The following HEMK2 variants were observed in gnomAD, a reference collection of about 807,000 sequenced individuals.
HEMK2 encodes the protein methyltransferase HEMK2.
At chr21:28,815,782 T>A in the HEMK2 span, among the ~76,000 whole-genome samples, 1 of 152,074 alleles carries the variant, frequency 6.6e-6, no homozygotes, top group African/African-American at 2.4e-5. Context: ...ATAACTAACA[T>A]CTGAGAAAAC....
At chr21:28,630,919 T>C in the HEMK2 span, among the ~76,000 whole-genome samples, 1 of 151,958 alleles carries the variant, frequency 6.6e-6, no homozygotes, top group Non-Finnish European at 1.5e-5. Context: ...CCCTAAAACT[T>C]AAAGTATAAT....
At chr21:28,835,441 G>A in the HEMK2 span, among the ~76,000 whole-genome samples, 2 of 152,170 alleles carry the variant, frequency 1.3e-5, no homozygotes, top group African/African-American at 4.8e-5. Context: ...TAGGAAAAGG[G>A]GGAGAGTACT....
the HEMK2 span, among the ~76,000 whole-genome samples, chr21:28,638,674 A>G: frequency 1.3e-5 from 2 of 152,112 alleles, no homozygotes; most frequent in Non-Finnish European, 2.9e-5. Context: ...AGCTCATTCT[A>G]CCTGGCCCTC....
chr21:28,680,071 A>C, the HEMK2 span, among the ~76,000 whole-genome samples: 2 of 152,252 alleles, frequency 1.3e-5, no homozygotes, highest in Non-Finnish European at 2.9e-5. Flanking sequence ...TGAAGGAAAT[A>C]GAGACATAAA....
At chr21:28,600,099 T>C in the HEMK2 span, among the ~76,000 whole-genome samples, 2 of 152,226 alleles carry the variant, frequency 1.3e-5, no homozygotes, top group South Asian at 2.1e-4. Context: ...TCTACCATTC[T>C]GGGATCTGGA....
the HEMK2 span, among the ~76,000 whole-genome samples, chr21:28,750,049 C>A: frequency 6.6e-6 from 1 of 152,188 alleles, no homozygotes; most frequent in Non-Finnish European, 1.5e-5. Context: ...AGTCACTCAT[C>A]TTGAAGTTTA....
chr21:28,723,949 C>T, the HEMK2 span, among the ~76,000 whole-genome samples: 6 of 152,130 alleles, frequency 3.9e-5, no homozygotes, highest in South Asian at 2.1e-4. Context: ...TATTCCGTAA[C>T]TTTGACCATC....
chr21:28,807,821 CTAA>C, the HEMK2 span, among the ~76,000 whole-genome samples: 40 of 152,136 alleles, frequency 2.6e-4, no homozygotes, highest in Non-Finnish European at 5.3e-4. Flanking sequence ...TCCTGTAAAA[CTAA>C]ATACCTGTGA....
the HEMK2 span, among the ~76,000 whole-genome samples, chr21:28,708,327 T>C: frequency 6.6e-6 from 1 of 152,218 alleles, no homozygotes; most frequent in Non-Finnish European, 1.5e-5. Context: ...TATTAATCCT[T>C]TTTTGCCTCC....
At chr21:28,619,817 T>C in the HEMK2 span, among the ~76,000 whole-genome samples, 3 of 152,174 alleles carry the variant, frequency 2.0e-5, no homozygotes, top group Non-Finnish European at 4.4e-5. Flanking sequence ...AAGGATAGCA[T>C]GCAAATCAAT....
the HEMK2 span, among the ~76,000 whole-genome samples, chr21:28,708,453 G>A: frequency 6.6e-6 from 1 of 152,108 alleles, no homozygotes; most frequent in Non-Finnish European, 1.5e-5. Context: ...ACAATCCCCA[G>A]GGTATGGTTA....
chr21:28,604,411 A>T, the HEMK2 span, among the ~76,000 whole-genome samples: 2 of 152,124 alleles, frequency 1.3e-5, no homozygotes, highest in Non-Finnish European at 2.9e-5. Flanking sequence ...TAAAAGTATA[A>T]TAAAAAAAGA....
chr21:28,677,927 T>C, the HEMK2 span, among the ~76,000 whole-genome samples: 3 of 152,098 alleles, frequency 2.0e-5, no homozygotes, highest in African/African-American at 7.2e-5. Flanking sequence ...CAAAGGTAGA[T>C]AAAACCACAA....
the HEMK2 span, among the ~76,000 whole-genome samples, chr21:28,760,933 T>C: frequency 1.4e-4 from 22 of 152,298 alleles, no homozygotes; most frequent in East Asian, 9.7e-4. Flanking sequence ...TTCAAACATA[T>C]ACAGATTTAC....
chr21:28,698,281 G>A, the HEMK2 span, among the ~76,000 whole-genome samples: 68 of 152,232 alleles, frequency 4.5e-4, no homozygotes, highest in Admixed American at 2.0e-3. Context: ...CTGTTAGAAT[G>A]GGCTTTTTAA....
At chr21:28,694,134 A>G in the HEMK2 span, among the ~76,000 whole-genome samples, 4 of 152,224 alleles carry the variant, frequency 2.6e-5, no homozygotes, top group Non-Finnish European at 4.4e-5. Flanking sequence ...CCTGGCCTAC[A>G]GTTTCTTGGA....
the HEMK2 span, among the ~76,000 whole-genome samples, chr21:28,711,913 A>G: frequency 6.6e-6 from 1 of 152,120 alleles, no homozygotes; most frequent in African/African-American, 2.4e-5. Context: ...TTGTCCTTAC[A>G]TGGCAGAAAA....
At chr21:28,783,772 A>G in the HEMK2 span, among the ~76,000 whole-genome samples, 81,388 of 151,920 alleles carry the variant, frequency 0.54, 25,280 homozygotes, top group African/African-American at 0.85. Flanking sequence ...GCGCGGGCAG[A>G]AATTGGGGCT....
chr21:28,645,284 T>C, the HEMK2 span, among the ~76,000 whole-genome samples: 1 of 152,224 alleles, frequency 6.6e-6, no homozygotes, highest in Non-Finnish European at 1.5e-5. Context: ...ATTCTGTGAA[T>C]TTAGTCTATC....
Sources: gnomAD v4.1 joint callset for allele counts (sites outside exome capture counted in the v4.1 genomes callset) on GRCh38, gnomAD v4.1.1 for gene constraint, MANE v1.5 for transcripts, NCBI Gene and HGNC (gene_info 2026-07-23, HGNC 2026-07-21) for gene names.